Variants in CLECL1 observed in about 807,000 individuals in gnomAD.
The protein encoded by CLECL1 is C-type lectin like 1.
chr12:9,722,873 A>G, intron 3 of CLECL1, 60 bp from the exon 2 acceptor site: 6 of 1,278,588 alleles, frequency 4.7e-6, no homozygotes, highest in Non-Finnish European at 6.5e-6. Flanking sequence ...AATAATGTAT[A>G]CTAATTGAAG....
downstream of CLECL1, among the ~76,000 whole-genome samples, chr12:9,720,254 C>T (rs1006374795): frequency 2.6e-5 from 4 of 152,152 alleles, no homozygotes; most frequent in Non-Finnish European, 5.9e-5. Context: ...TGCCCTTCTC[C>T]CCAGCACACA....
downstream of CLECL1, chr12:9,718,654 C>A: frequency 2.9e-6 from 2 of 680,530 alleles, no homozygotes; most frequent in South Asian, 3.2e-5. Context: ...GAGGCCATTG[C>A]GGTGGGCCCT....
chr12:9,734,020 T>C (rs973535858), upstream of CLECL1, among the ~76,000 whole-genome samples: 2 of 152,230 alleles, frequency 1.3e-5, no homozygotes, highest in Non-Finnish European at 2.9e-5. Flanking sequence ...TAGCTACCTG[T>C]GAAACCGTCA....
chr12:9,711,815 C>G (rs937928880), downstream of CLECL1, among the ~76,000 whole-genome samples: 34 of 152,106 alleles, frequency 2.2e-4, 1 homozygote, highest in African/African-American at 6.8e-4. Context: ...ATTTATTTCT[C>G]TAGACCTAGC....
chr12:9,710,536 A>G, the CLECL1 span, among the ~76,000 whole-genome samples: 3 of 152,180 alleles, frequency 2.0e-5, no homozygotes, highest in East Asian at 5.8e-4. Flanking sequence ...CACGGACCTA[A>G]CTGAGAACAG....
At chr12:9,726,382 AG>A (rs748478229) in intron 3 of CLECL1, among the ~76,000 whole-genome samples, 1 of 152,034 alleles carries the variant, frequency 6.6e-6, no homozygotes, top group Non-Finnish European at 1.5e-5. Flanking sequence ...AGATGAGGAA[AG>A]CAGCAGGAAA....
downstream of CLECL1, among the ~76,000 whole-genome samples, chr12:9,711,767 A>T (rs1279199619): frequency 1.3e-5 from 2 of 152,000 alleles, no homozygotes; most frequent in Non-Finnish European, 1.5e-5. Context: ...TTCCTAGGCA[A>T]TGTCTTCTGG....
the CLECL1 span, among the ~76,000 whole-genome samples, chr12:9,705,238 G>A: frequency 6.6e-6 from 1 of 151,148 alleles, no homozygotes; most frequent in Non-Finnish European, 1.5e-5. Flanking sequence ...CATGTCCTTT[G>A]CTTACTTTTT....
chr12:9,724,117 G>A (rs1240292971), intron 3 of CLECL1, among the ~76,000 whole-genome samples: 1 of 151,010 alleles, frequency 6.6e-6, no homozygotes, highest in East Asian at 1.9e-4. Context: ...AGTCTGGGAG[G>A]TAAAGGTTGC....
intron 3 of CLECL1, among the ~76,000 whole-genome samples, chr12:9,723,343 A>G (rs1342498140): frequency 2.6e-5 from 4 of 152,188 alleles, no homozygotes; most frequent in Admixed American, 2.6e-4. Context: ...AATTTATAAT[A>G]TTTCCCAGCA....
chr12:9,708,799 TTCTCTC>T, the CLECL1 span: 1 of 174,834 alleles, frequency 5.7e-6, no homozygotes, highest in South Asian at 1.4e-4. Flanking sequence ...GACACTGGCT[TTCTCTC>T]TCCATCACAC....
At chr12:9,727,484 T>A in intron 3 of CLECL1, among the ~76,000 whole-genome samples, 1 of 151,812 alleles carries the variant, frequency 6.6e-6, no homozygotes, top group Non-Finnish European at 1.5e-5. Flanking sequence ...GTTTCTCCTC[T>A]ATTCAGATAT....
chr12:9,713,885 G>A (rs1394060291), downstream of CLECL1, among the ~76,000 whole-genome samples: 11 of 152,132 alleles, frequency 7.2e-5, no homozygotes, highest in African/African-American at 2.4e-5. Flanking sequence ...CTTGGATTGA[G>A]TCCGTGCCAC....
downstream of CLECL1, among the ~76,000 whole-genome samples, chr12:9,720,307 G>A (rs1336431203): frequency 2.0e-5 from 3 of 151,656 alleles, no homozygotes; most frequent in Non-Finnish European, 4.4e-5. Context: ...AGATAGGGGA[G>A]AAGGTACTCT....
downstream of CLECL1, among the ~76,000 whole-genome samples, chr12:9,717,988 T>A (rs928967211): frequency 3.3e-5 from 5 of 152,166 alleles, no homozygotes; most frequent in African/African-American, 1.2e-4. Flanking sequence ...TCCATTAGTT[T>A]TGATGCTTTA....
At chr12:9,718,538 G>A (rs1032502979), downstream of CLECL1, 109 of 269,778 alleles carry the variant, frequency 4.0e-4, 6 homozygotes, top group Non-Finnish European at 6.7e-4. Context: ...ATTATGGGCT[G>A]AATTGTACTA....
intron 3 of CLECL1, among the ~76,000 whole-genome samples, chr12:9,726,701 C>T (rs934471020): frequency 2.0e-5 from 3 of 152,082 alleles, no homozygotes; most frequent in South Asian, 2.1e-4. Context: ...AGGTAACTTA[C>T]ACCTCTATAA....
downstream of CLECL1, among the ~76,000 whole-genome samples, chr12:9,715,324 C>A (rs766018826): frequency 3.3e-5 from 5 of 152,254 alleles, no homozygotes; most frequent in East Asian, 9.7e-4. Flanking sequence ...TTGGGGACCC[C>A]TTTTCTTCTG....
chr12:9,703,431 G>T, the CLECL1 span, among the ~76,000 whole-genome samples: 1 of 151,496 alleles, frequency 6.6e-6, no homozygotes, highest in African/African-American at 2.4e-5. Flanking sequence ...GTCTCACTCT[G>T]TTGCTCAGGC....
Sources: allele counts gnomAD v4.1 joint callset (sites outside exome capture counted in the v4.1 genomes callset), GRCh38; gene constraint gnomAD v4.1.1; transcripts MANE v1.5; gene names NCBI Gene and HGNC (gene_info 2026-07-23, HGNC 2026-07-21).